LIMS1: variants seen among roughly 807,000 people sequenced by gnomAD.
LIMS1 encodes LIM zinc finger domain containing 1, also known as LIM and senescent cell antigen-like-containing domain protein 1.
A neutral mutation model predicts 44.1 loss-of-function variants in LIMS1; 18 were observed. That is an observed-to-expected ratio of 0.41 (90% CI 0.28 to 0.61). The LOEUF is 0.61. Among genes scored for constraint, LIMS1 ranks in the 20% least tolerant of loss-of-function variants. The pLI is 0.32. For synonymous variants in LIMS1, 93 were observed against 149.1 expected (o/e 0.62, Z 2.74); for missense variants, 201 against 422.0 (o/e 0.48, Z 4.59).
intron 1 of LIMS1, among the ~76,000 whole-genome samples, chr2:108,554,585 T>C (rs1684859252): frequency 6.6e-6 from 1 of 152,240 alleles, no homozygotes; most frequent in Admixed American, 6.5e-5. Context: ...TTTTGCCAAA[T>C]GTTTTTGTTT....
intron 1 of LIMS1, among the ~76,000 whole-genome samples, chr2:108,574,428 C>T (rs184906009): frequency 9.9e-5 from 15 of 152,284 alleles, no homozygotes; most frequent in Admixed American, 7.8e-4. Context: ...TCTCATCTGG[C>T]TGCTCTCCAC....
intron 1 of LIMS1, among the ~76,000 whole-genome samples, chr2:108,558,190 A>AAAACT (rs1193636405): frequency 2.0e-5 from 3 of 151,776 alleles, no homozygotes; most frequent in African/African-American, 4.8e-5. Flanking sequence ...TATCGGTTAT[A>AAAACT]TCAGCCCACC....
chr2:108,616,703 C>G (rs549432754), intron 1 of LIMS1, among the ~76,000 whole-genome samples: 2 of 152,248 alleles, frequency 1.3e-5, no homozygotes, highest in African/African-American at 4.8e-5. Flanking sequence ...TCTGCCTTCT[C>G]ATACTCTCTG....
chr2:108,542,831 T>G (rs1684358920), intron 1 of LIMS1, among the ~76,000 whole-genome samples: 1 of 152,238 alleles, frequency 6.6e-6, no homozygotes, highest in Non-Finnish European at 1.5e-5. Context: ...TATTAGGCTT[T>G]CTTTTCTTGA....
intron 1 of LIMS1, among the ~76,000 whole-genome samples, chr2:108,589,676 G>A (rs749071767): frequency 1.6e-4 from 24 of 152,076 alleles, no homozygotes; most frequent in Admixed American, 1.4e-3. Context: ...AACTTTTGCT[G>A]CATCCCATAA....
intron 2 of LIMS1, among the ~76,000 whole-genome samples, chr2:108,668,614 G>A (rs1417787631): frequency 6.6e-6 from 1 of 152,140 alleles, no homozygotes; most frequent in Non-Finnish European, 1.5e-5. Flanking sequence ...TTCATCCGCT[G>A]ATGGAAAGTT....
intron 1 of LIMS1, among the ~76,000 whole-genome samples, chr2:108,585,150 CAAAAA>C (rs35679577): frequency 5.8e-5 from 4 of 69,364 alleles, no homozygotes; most frequent in Non-Finnish European, 1.1e-4. Flanking sequence ...GACTCCGTCT[CAAAAA>C]AAAAAAAAAA....
At chr2:108,599,691 A>G (rs1221878540) in intron 1 of LIMS1, among the ~76,000 whole-genome samples, 1 of 152,026 alleles carries the variant, frequency 6.6e-6, no homozygotes, top group African/African-American at 2.4e-5. Flanking sequence ...AGTATTTGTT[A>G]TTGCCTGTCT....
intron 1 of LIMS1, chr2:108,621,428 T>C: frequency 1.3e-6 from 2 of 1,551,154 alleles, no homozygotes; most frequent in Non-Finnish European, 1.7e-6. Flanking sequence ...CCCGATAGTT[T>C]GAGAGTAAAT....
chr2:108,686,327 TAAATA>T (rs1440713171), exon 10 of LIMS1: 1 of 150,102 alleles, frequency 6.7e-6, no homozygotes, highest in African/African-American at 2.5e-5. Context: ...TCAAAAAAAA[TAAATA>T]AATAAATTAT....
chr2:108,632,020 G>A (rs1688959079), intron 1 of LIMS1, among the ~76,000 whole-genome samples: 1 of 152,204 alleles, frequency 6.6e-6, no homozygotes. Context: ...CACCCAGGCT[G>A]GAGTGCAGTG....
chr2:108,638,826 G>T (rs1689459591), intron 1 of LIMS1, among the ~76,000 whole-genome samples: 1 of 151,788 alleles, frequency 6.6e-6, no homozygotes, highest in Non-Finnish European at 1.5e-5. Context: ...GGTGGATCAT[G>T]AAGTCAGGAG....
At chr2:108,639,393 A>G (rs1385447692) in intron 1 of LIMS1, among the ~76,000 whole-genome samples, 1 of 152,262 alleles carries the variant, frequency 6.6e-6, no homozygotes, top group Non-Finnish European at 1.5e-5. Flanking sequence ...AGATAATTCT[A>G]AAGTCACCTT....
chr2:108,624,133 A>G (rs752392283), intron 1 of LIMS1, among the ~76,000 whole-genome samples: 2 of 152,224 alleles, frequency 1.3e-5, no homozygotes, highest in Non-Finnish European at 2.9e-5. Flanking sequence ...CACAAGTGAC[A>G]TGCTTGTTCC....
Position 108,550,708 on chromosome 2 carries a change from C to T in LIMS1, c.32+16114C>T, listed in dbSNP as rs58952383. Among the ~76,000 whole-genome samples, 38 of 143,842 alleles carry T rather than the reference C, an allele frequency of 2.6e-4. 1 individual carries two copies. Among genetic ancestry groups the T allele is most frequent in the Admixed American group, 1.3e-3 (18 of 14,346 alleles). The allele number at this position is 143,842 out of a possible 152,430, so 94.4% of individuals were successfully genotyped here. On this transcript the variant is annotated intron_variant, in intron 1 of 9. Transcript: ENST00000544547. ...GCGGGTGCCTGTAGTCCCAGTTACT[C>T]GGGAGGTTGAGGCAGGGGAATGGCG...
intron 1 of LIMS1, among the ~76,000 whole-genome samples, chr2:108,643,252 A>T (rs925004680): frequency 6.6e-6 from 1 of 152,194 alleles, no homozygotes; most frequent in African/African-American, 2.4e-5. Context: ...TCCCAGCAAG[A>T]TTGGTGCGGA....
chr2:108,553,904 G>A (rs1387014955), intron 1 of LIMS1, among the ~76,000 whole-genome samples: 1 of 152,194 alleles, frequency 6.6e-6, no homozygotes, highest in African/African-American at 2.4e-5. Flanking sequence ...GGAGAACTTC[G>A]AATGATAGGG....
At chr2:108,552,249 C>CTACACGTATAGTATATATATGAAACTA (rs1684772448) in intron 1 of LIMS1, among the ~76,000 whole-genome samples, 1 of 137,756 alleles carries the variant, frequency 7.3e-6, no homozygotes, top group African/African-American at 2.6e-5. Context: ...ACTATATATA[C>CTACACGTATAGTATATATATGAAACTA]TATATATACT....
chr2:108,648,385 A>C (rs1372971524), intron 1 of LIMS1, among the ~76,000 whole-genome samples: 1 of 152,214 alleles, frequency 6.6e-6, no homozygotes, highest in Non-Finnish European at 1.5e-5. Flanking sequence ...TATACTGCCC[A>C]AAGTAATTTA....
Sources: gnomAD v4.1 joint callset for allele counts (sites outside exome capture counted in the v4.1 genomes callset) on GRCh38, gnomAD v4.1.1 for gene constraint, MANE v1.5 for transcripts, NCBI Gene and HGNC (gene_info 2026-07-23, HGNC 2026-07-21) for gene names.